The following CYP20A1 variants were observed in gnomAD, a reference collection of about 807,000 sequenced individuals.
The protein encoded by CYP20A1 is cytochrome P450 family 20 subfamily A member 1, also known as cytochrome P450 20A1.
In CYP20A1, 61 loss-of-function variants were observed where a neutral mutation model predicts 61.4. The observed-to-expected ratio is 0.99, with a 90% CI of 0.81 to 1.23. The LOEUF (loss-of-function observed/expected upper bound fraction) is 1.23, where lower values mean the gene tolerates loss of function less well. Ranked by LOEUF, CYP20A1 falls within the 50% of genes most tolerant of loss-of-function variation. CYP20A1 has a pLI of 0.00. For synonymous variants in CYP20A1, 193 were observed against 188.2 expected, an observed-to-expected ratio of 1.03 and a Z score of -0.21; for missense variants, 530 against 542.4, an observed-to-expected ratio of 0.98 and a Z score of 0.23.
rs562601132 is a variant in CYP20A1, at chr2:203,299,741, G to T, written c.*2833G>T. ...AATACAAAATTAGCCAGGCTTGGTG[G>T]TGCATGCCTGTAATACCAGCTACTC... On this transcript the variant is annotated 3_prime_UTR_variant, in exon 13 of 13. Transcript: ENST00000356079. 2.6e-5 allele frequency among the ~76,000 whole-genome samples: 4 copies of T among 152,156 alleles called. No individual in the cohort carries two copies. The East Asian group carries it at 5.8e-4, about 22-fold the overall frequency.
Position 203,251,950 on chromosome 2 carries a change from T to G in CYP20A1, c.290-17T>G, listed in dbSNP as rs1309820953. 1 of 1,520,206 alleles carries G rather than the reference T, an allele frequency of 6.6e-7. No individual in the cohort carries two copies. The highest frequency in any genetic ancestry group is 1.9e-5 in the Admixed American group (1 of 52,394). 94.2% of individuals were successfully genotyped at this position (1,520,206 alleles called of 1,614,324 possible). On this transcript the variant is annotated splice_polypyrimidine_tract_variant and intron_variant, in intron 3 of 12. Coordinates refer to ENST00000356079, the MANE Select transcript of CYP20A1 (RefSeq NM_177538.3). ...GTGATTATTTTGATACAGAAATATT[T>G]AATTTGTCTGTTTCAGCGGACCCTT...
Position 203,287,413 on chromosome 2 carries a change from C to T in CYP20A1, c.971+1681C>T, listed in dbSNP as rs531598192. Among the ~76,000 whole-genome samples, 5 of 151,692 alleles carry T rather than the reference C, an allele frequency of 3.3e-5. No individual in the cohort carries two copies. In the South Asian group the frequency reaches 1.0e-3, roughly 32 times the overall value. On this transcript the variant is annotated intron_variant, in intron 9 of 12. Coordinates refer to ENST00000356079, the MANE Select transcript of CYP20A1 (RefSeq NM_177538.3). ...TCCTTTGTAAATGTGCCCTTAAGCCCGTAACAGTTGGGCTAGGCGCAGTGA... is the reference window on the plus strand; with the variant it reads ...TCCTTTGTAAATGTGCCCTTAAGCCTGTAACAGTTGGGCTAGGCGCAGTGA...
At chr2:203,263,903 T>C (rs1263590696) in intron 4 of CYP20A1, among the ~76,000 whole-genome samples, 1 of 152,148 alleles carries the variant, frequency 6.6e-6, no homozygotes, top group African/African-American at 2.4e-5. Flanking sequence ...TTGTTCTTTT[T>C]AGCTGCTGAG....
chr2:203,282,521 A>G (rs2068087180), intron 8 of CYP20A1, among the ~76,000 whole-genome samples: 2 of 152,190 alleles, frequency 1.3e-5, no homozygotes, highest in Non-Finnish European at 2.9e-5. Flanking sequence ...AACGCATTAC[A>G]TTAAACCTAA....
intron 5 of CYP20A1, among the ~76,000 whole-genome samples, chr2:203,271,254 A>AT: frequency 6.7e-6 from 1 of 149,338 alleles, no homozygotes; most frequent in Admixed American, 6.8e-5. Context: ...CGCCCGGCTA[A>AT]TTTTTTTGTA....
At chr2:203,278,767 C>A in intron 7 of CYP20A1, 79 bp downstream of exon 7, 1 of 726,474 alleles carries the variant, frequency 1.4e-6, no homozygotes, top group Non-Finnish European at 2.2e-6. Context: ...GTAGTCCCAG[C>A]TACTTGAGAG....
chr2:203,249,307 G>C (rs1575171751), intron 3 of CYP20A1, among the ~76,000 whole-genome samples: 1 of 152,146 alleles, frequency 6.6e-6, no homozygotes, highest in Non-Finnish European at 1.5e-5. Flanking sequence ...TTGAACCCAA[G>C]AGTTGAAGAC....
chr2:203,288,061 CTT>C (rs869173270), intron 9 of CYP20A1, among the ~76,000 whole-genome samples: 138 of 70,388 alleles, frequency 2.0e-3, no homozygotes, highest in African/African-American at 9.0e-3. Flanking sequence ...TTCTCTCTCT[CTT>C]TTTTTTTTTT....
chr2:203,258,052 C>G (rs911600948), intron 4 of CYP20A1, among the ~76,000 whole-genome samples: 9 of 51,626 alleles, frequency 1.7e-4, no homozygotes, highest in Non-Finnish European at 5.7e-4. Context: ...CAGGCACGTG[C>G]CACCCTGCCC....
At chr2:203,268,209 C>G (rs2067413405) in intron 5 of CYP20A1, among the ~76,000 whole-genome samples, 1 of 152,144 alleles carries the variant, frequency 6.6e-6, no homozygotes, top group African/African-American at 2.4e-5. Flanking sequence ...GTTGATATTT[C>G]CTACGAGCAA....
rs771895302 is a variant in CYP20A1, at chr2:203,292,294, T to C, written c.1116T>C (p.Leu372=). ...TLVLYALGVV[L]QDPNTWPSPH... ...TCCTTTATGCCCTTGGTGTGGTACT[T>C]CAGGATCCTAATACTTGGCCATCTC... Residue 372 remains leucine, a synonymous_variant, in exon 11 of 13, where the codon CTT becomes CTC. Transcript: ENST00000356079. The C allele has an allele frequency of 6.2e-7, 1 of 1,613,520 alleles. No individual in the cohort carries two copies. The highest frequency in any genetic ancestry group is 1.7e-5 in the Admixed American group (1 of 59,990).
In CYP20A1 at chr2:203,278,488, T is replaced by C; in HGVS notation, c.680-85T>C. ...ACTAACTTTGAAGGTTTTCTTCATATAGTAACATTGCACAGAATTATTTTT... is the reference window on the plus strand; with the variant it reads ...ACTAACTTTGAAGGTTTTCTTCATACAGTAACATTGCACAGAATTATTTTT... On this transcript the variant is annotated intron_variant, in intron 6 of 12. Coordinates refer to ENST00000356079, the MANE Select transcript of CYP20A1 (RefSeq NM_177538.3). 3 of 543,422 alleles carry C rather than the reference T, an allele frequency of 5.5e-6. No homozygotes were observed. The Middle Eastern group carries it at 8.9e-4, about 161-fold the overall frequency. 33.7% of individuals were successfully genotyped at this position (543,422 alleles called of 1,614,324 possible).
intron 4 of CYP20A1, among the ~76,000 whole-genome samples, chr2:203,260,576 TG>T (rs1244835899): frequency 1.3e-5 from 2 of 152,164 alleles, no homozygotes; most frequent in Non-Finnish European, 2.9e-5. Flanking sequence ...TGGAGTGCAG[TG>T]GCACAGTCAT....
intron 8 of CYP20A1, among the ~76,000 whole-genome samples, chr2:203,282,059 C>T (rs1323034721): frequency 5.1e-5 from 5 of 98,308 alleles, no homozygotes; most frequent in African/African-American, 1.1e-4. Flanking sequence ...TTTTTTGAGA[C>T]GGAGTTTTGC....
chr2:203,271,707 C>T (rs931679248), intron 5 of CYP20A1, among the ~76,000 whole-genome samples: 1 of 152,046 alleles, frequency 6.6e-6, no homozygotes, highest in African/African-American at 2.4e-5. Context: ...TTGTAATTAC[C>T]TGTGAATTTT....
intron 4 of CYP20A1, among the ~76,000 whole-genome samples, chr2:203,259,249 C>T (rs1474391890): frequency 6.6e-6 from 1 of 152,160 alleles, no homozygotes; most frequent in African/African-American, 2.4e-5. Context: ...AACCCCATAG[C>T]ACAAGCCAGG....
chr2:203,271,465 A>G (rs2067595895), intron 5 of CYP20A1, among the ~76,000 whole-genome samples: 1 of 152,154 alleles, frequency 6.6e-6, no homozygotes, highest in Non-Finnish European at 1.5e-5. Context: ...TAAAAAATCT[A>G]TTGTTTTTCA....
At chr2:203,257,635 A>C (rs1411825661) in intron 4 of CYP20A1, among the ~76,000 whole-genome samples, 1 of 151,882 alleles carries the variant, frequency 6.6e-6, no homozygotes, top group Non-Finnish European at 1.5e-5. Flanking sequence ...TAAAAATACA[A>C]AAAATTAGCT....
chr2:203,289,953 TA>T (rs2152108749), intron 10 of CYP20A1, 77 bp downstream of exon 10: 187 of 597,036 alleles, frequency 3.1e-4, no homozygotes, highest in Non-Finnish European at 4.1e-4. Context: ...TATATATATA[TA>T]TTTTAGACAG....
Sources: allele counts gnomAD v4.1 joint callset (sites outside exome capture counted in the v4.1 genomes callset), GRCh38; gene constraint gnomAD v4.1.1; transcripts MANE v1.5; gene names NCBI Gene and HGNC (gene_info 2026-07-23, HGNC 2026-07-21).